DLGAP2: variants seen among roughly 807,000 people sequenced by gnomAD.
DLGAP2 encodes DLG associated protein 2.
Under a neutral mutation model 100.3 loss-of-function variants are expected in DLGAP2, and 26 were observed. That is an observed-to-expected ratio of 0.26 (90% CI 0.19 to 0.36). DLGAP2 has a LOEUF of 0.36. Ranked by LOEUF, DLGAP2 falls within the 10% of genes least tolerant of loss-of-function variation. DLGAP2 has a pLI of 1.00. For missense variants in DLGAP2, 1,858 were observed against 1,453.2 expected, an observed-to-expected ratio of 1.28 and a Z score of -4.53; for synonymous variants, 886 against 630.1, an observed-to-expected ratio of 1.41 and a Z score of -6.08.
intron 3 of DLGAP2, among the ~76,000 whole-genome samples, chr8:1,266,517 TTTGC>T (rs1799454269): frequency 6.6e-6 from 1 of 152,184 alleles, no homozygotes; most frequent in Admixed American, 6.5e-5. Context: ...GATCATATTA[TTTGC>T]TTCCTTAAAT....
chr8:1,493,367 C>G (rs75161259), intron 3 of DLGAP2, among the ~76,000 whole-genome samples: 1 of 152,186 alleles, frequency 6.6e-6, no homozygotes. Flanking sequence ...CATCTGCCTC[C>G]ATCTCCGCAG....
At chr8:970,479 C>G (rs537045583) in intron 2 of DLGAP2, among the ~76,000 whole-genome samples, 1 of 152,134 alleles carries the variant, frequency 6.6e-6, no homozygotes, top group African/African-American at 2.4e-5. Context: ...TCATGACTTT[C>G]CCTTGCCATC....
intron 2 of DLGAP2, among the ~76,000 whole-genome samples, chr8:1,023,366 G>A (rs1563149788): frequency 6.6e-6 from 1 of 152,136 alleles, no homozygotes. Context: ...TAGAGGGGGT[G>A]TTCGTTGATG....
At chr8:1,543,850 C>T (rs1301605896) in intron 4 of DLGAP2, among the ~76,000 whole-genome samples, 1 of 152,098 alleles carries the variant, frequency 6.6e-6, no homozygotes, top group Non-Finnish European at 1.5e-5. Flanking sequence ...TGCTTAATTT[C>T]TTTCAGTAGC....
At chr8:1,522,283 G>C (rs151148675) in intron 4 of DLGAP2, among the ~76,000 whole-genome samples, 143 of 152,356 alleles carry the variant, frequency 9.4e-4, no homozygotes, top group African/African-American at 3.3e-3. Flanking sequence ...TGCTTGTTCT[G>C]TTTCTTCAAG....
intron 2 of DLGAP2, among the ~76,000 whole-genome samples, chr8:1,048,760 C>T (rs565145022): frequency 1.6e-4 from 24 of 152,036 alleles, no homozygotes; most frequent in South Asian, 6.2e-4. Flanking sequence ...CATCTGCCGC[C>T]GAAGCTGCAG....
intron 2 of DLGAP2, among the ~76,000 whole-genome samples, chr8:1,064,851 C>T (rs1803197352): frequency 6.6e-6 from 1 of 152,222 alleles, no homozygotes; most frequent in African/African-American, 2.4e-5. Context: ...TCCACCCTGA[C>T]ATGCACACAC....
At chr8:1,371,385 C>T (rs1232063133) in intron 3 of DLGAP2, among the ~76,000 whole-genome samples, 2 of 152,180 alleles carry the variant, frequency 1.3e-5, no homozygotes, top group Non-Finnish European at 2.9e-5. Flanking sequence ...AGCAGTTGTC[C>T]GCTTGGCAGA....
chr8:1,116,243 A>G (rs1184657775), intron 2 of DLGAP2, among the ~76,000 whole-genome samples: 1 of 152,158 alleles, frequency 6.6e-6, no homozygotes, highest in Non-Finnish European at 1.5e-5. Flanking sequence ...GGGTCCTGAC[A>G]TGCTCTTGGG....
intron 3 of DLGAP2, among the ~76,000 whole-genome samples, chr8:1,314,866 G>T (rs888737048): frequency 1.3e-5 from 2 of 152,164 alleles, no homozygotes; most frequent in African/African-American, 4.8e-5. Flanking sequence ...AATTTCCATG[G>T]GTAAATCCTA....
intron 2 of DLGAP2, among the ~76,000 whole-genome samples, chr8:1,218,355 C>T (rs145315642): frequency 6.6e-6 from 1 of 152,294 alleles, no homozygotes; most frequent in African/African-American, 2.4e-5. Flanking sequence ...ATCCATTCTC[C>T]AGTTGCTTGT....
intron 1 of DLGAP2, among the ~76,000 whole-genome samples, chr8:879,027 A>G (rs1256923353): frequency 6.6e-6 from 1 of 152,200 alleles, no homozygotes. Flanking sequence ...GAGCCTACCA[A>G]TATCCTAATT....
At chr8:1,130,335 AT>A (rs779189352) in intron 2 of DLGAP2, among the ~76,000 whole-genome samples, 2 of 152,032 alleles carry the variant, frequency 1.3e-5, no homozygotes, top group Non-Finnish European at 2.9e-5. Context: ...GGGTGTATTT[AT>A]TTTTTCTCAT....
intron 2 of DLGAP2, among the ~76,000 whole-genome samples, chr8:1,245,873 T>G (rs960475063): frequency 6.6e-6 from 1 of 152,216 alleles, no homozygotes; most frequent in Admixed American, 6.5e-5. Context: ...GGGACCCTGG[T>G]GTGGTCGAGC....
chr8:1,496,331 G>A (rs1799545358), intron 3 of DLGAP2, among the ~76,000 whole-genome samples: 1 of 152,046 alleles, frequency 6.6e-6, no homozygotes, highest in South Asian at 2.1e-4. Flanking sequence ...AGTGCATGGG[G>A]GTCGGAACCT....
At chr8:829,690 G>A (rs1223816117) in intron 1 of DLGAP2, among the ~76,000 whole-genome samples, 2 of 152,178 alleles carry the variant, frequency 1.3e-5, no homozygotes, top group South Asian at 2.1e-4. Flanking sequence ...AAGAAAAGTT[G>A]AAAGGTTCAG....
chr8:1,426,608 G>A (rs981320079), intron 3 of DLGAP2, among the ~76,000 whole-genome samples: 4 of 152,180 alleles, frequency 2.6e-5, no homozygotes, highest in African/African-American at 9.7e-5. Flanking sequence ...CTGGACAGAT[G>A]ATGTGAAACT....
At chr8:1,468,763 G>A (rs1015824541) in intron 3 of DLGAP2, among the ~76,000 whole-genome samples, 2 of 151,010 alleles carry the variant, frequency 1.3e-5, no homozygotes, top group Non-Finnish European at 2.9e-5. Context: ...CTGAGGCATG[G>A]GCAGAGCTGC....
At chr8:1,531,330 C>A (rs922175667) in intron 4 of DLGAP2, among the ~76,000 whole-genome samples, 2 of 151,168 alleles carry the variant, frequency 1.3e-5, no homozygotes, top group African/African-American at 4.9e-5. Flanking sequence ...TAAGGAAAAG[C>A]TTCTTTCTGT....
Sources: allele counts gnomAD v4.1 joint callset (sites outside exome capture counted in the v4.1 genomes callset), GRCh38; gene constraint gnomAD v4.1.1; transcripts MANE v1.5; gene names NCBI Gene and HGNC (gene_info 2026-07-23, HGNC 2026-07-21).